Variants in TMEM255A observed in about 807,000 individuals in gnomAD.
The protein encoded by TMEM255A is transmembrane protein 255A.
In TMEM255A, 14 loss-of-function variants were observed where a neutral mutation model predicts 23.5. The ratio of observed to expected loss-of-function variants is 0.60; its 90% confidence interval spans 0.39 to 0.93. The LOEUF (loss-of-function observed/expected upper bound fraction) is 0.93, where lower values mean the gene tolerates loss of function less well. Among genes scored for constraint, TMEM255A ranks in the 40% least tolerant of loss-of-function variants. TMEM255A has a pLI of 0.00. For missense variants in TMEM255A, 233 were observed against 261.7 expected (o/e 0.89, Z 0.76); for synonymous variants, 104 against 100.3 (o/e 1.04, Z -0.22).
At chrX:120,286,294 G>A (rs1269540343) in intron 5 of TMEM255A, among the ~76,000 whole-genome samples, 2 of 111,838 alleles carry the variant, frequency 1.8e-5, no homozygotes, top group Non-Finnish European at 3.8e-5. Context: ...ACATCCAATT[G>A]CCTTCCTTTT....
chrX:120,273,748 A>AT (rs1419807854), intron 7 of TMEM255A, among the ~76,000 whole-genome samples: 92 of 111,817 alleles, frequency 8.2e-4, no homozygotes, highest in Non-Finnish European at 1.4e-3. Flanking sequence ...AATGTTTATA[A>AT]TTTTTTTTGA....
At chrX:120,270,352 G>C (rs1372948248) in intron 7 of TMEM255A, among the ~76,000 whole-genome samples, 1 of 109,399 alleles carries the variant, frequency 9.1e-6, no homozygotes, top group Non-Finnish European at 1.9e-5. Context: ...TACGTTGTGA[G>C]ACGCCCGCCC....
chrX:120,262,966 G>A (rs149399261), intron 8 of TMEM255A, among the ~76,000 whole-genome samples: 1,224 of 111,310 alleles, frequency 0.011, 12 homozygotes, highest in African/African-American at 0.038. Context: ...GTGGTACAAC[G>A]GCCCTTGGGT....
At chrX:120,270,795 G>A (rs1343035420) in intron 7 of TMEM255A, among the ~76,000 whole-genome samples, 3 of 110,635 alleles carry the variant, frequency 2.7e-5, no homozygotes, top group Admixed American at 1.9e-4. Flanking sequence ...TCATCAGCCA[G>A]CACCCCCGGG....
downstream of TMEM255A, chrX:120,253,941 G>C: frequency 8.3e-7 from 1 of 1,205,599 alleles, no homozygotes; most frequent in South Asian, 1.8e-5. Context: ...ATTATCTGCC[G>C]AAGATTATGA....
intron 2 of TMEM255A, among the ~76,000 whole-genome samples, chrX:120,294,386 A>C (rs2147206426): frequency 9.6e-6 from 1 of 104,546 alleles, no homozygotes; most frequent in South Asian, 4.7e-4. Flanking sequence ...GTGAGCCGAG[A>C]TCCTGCCACT....
At chrX:120,269,092 C>T (rs2057737053) in intron 7 of TMEM255A, among the ~76,000 whole-genome samples, 1 of 105,361 alleles carries the variant, frequency 9.5e-6, no homozygotes, top group African/African-American at 3.4e-5. Flanking sequence ...TGCACAGAAG[C>T]CATGAAAGAC....
chrX:120,282,476 A>G (rs868977622), intron 6 of TMEM255A, among the ~76,000 whole-genome samples: 22 of 111,711 alleles, frequency 2.0e-4, no homozygotes, highest in Middle Eastern at 9.3e-3. Flanking sequence ...GCCTAGTCCA[A>G]TATTTTATTT....
At chrX:120,304,322 C>T (rs782143346) in intron 2 of TMEM255A, 27 bp downstream of exon 2, 23 of 1,187,253 alleles carry the variant, frequency 1.9e-5, no homozygotes, top group Non-Finnish European at 2.3e-5. Flanking sequence ...CAAGCTACTG[C>T]GACCTACCTG....
At chrX:120,261,842 G>A (rs1224715151) in intron 8 of TMEM255A, among the ~76,000 whole-genome samples, 1 of 111,826 alleles carries the variant, frequency 8.9e-6, no homozygotes, top group East Asian at 2.8e-4. Flanking sequence ...TGACTCTAGT[G>A]ATTTCCCTGC....
chrX:120,277,878 C>T (rs1445085570), intron 6 of TMEM255A, among the ~76,000 whole-genome samples: 1 of 112,289 alleles, frequency 8.9e-6, no homozygotes, highest in Non-Finnish European at 1.9e-5. Context: ...CCCTGTCGCT[C>T]TCTATCACAT....
At chrX:120,268,572 T>C (rs1177490263) in intron 7 of TMEM255A, among the ~76,000 whole-genome samples, 185 bp from the exon 8 acceptor site, 13 of 111,914 alleles carry the variant, frequency 1.2e-4, no homozygotes, top group African/African-American at 3.9e-4. Flanking sequence ...TACATTAATA[T>C]AACATGATCC....
chrX:120,280,193 C>T (rs374131983), intron 6 of TMEM255A, among the ~76,000 whole-genome samples: 1 of 107,410 alleles, frequency 9.3e-6, no homozygotes, highest in East Asian at 2.9e-4. Flanking sequence ...GCGGTTCTGA[C>T]ATGTTGCCCA....
intron 5 of TMEM255A, 68 bp from the exon 6 acceptor site, chrX:120,285,283 A>G: frequency 1.1e-6 from 1 of 924,905 alleles, no homozygotes. Flanking sequence ...TGGGATTGGA[A>G]ATGCGAGTTA....
chrX:120,306,809 C>T (rs1412429792), intron 1 of TMEM255A, among the ~76,000 whole-genome samples: 5 of 111,975 alleles, frequency 4.5e-5, no homozygotes, highest in Non-Finnish European at 7.5e-5. Flanking sequence ...CTTTTAAAAG[C>T]GCAGGAAGAG....
At chrX:120,299,572 C>T (rs2058020177) in intron 2 of TMEM255A, among the ~76,000 whole-genome samples, 1 of 111,693 alleles carries the variant, frequency 9.0e-6, no homozygotes, top group South Asian at 3.8e-4. Context: ...GCCTCGGCCT[C>T]CCAAAGTGAT....
At chrX:120,279,998 C>CTTTTTTTTTTTTTT (rs59428362) in intron 6 of TMEM255A, among the ~76,000 whole-genome samples, 19 of 38,222 alleles carry the variant, frequency 5.0e-4, no homozygotes, top group Non-Finnish European at 5.6e-4. Flanking sequence ...CCTTTTCTTT[C>CTTTTTTTTTTTTTT]TTTTTTTTTT....
chrX:120,289,111 C>A (rs2057896418), intron 4 of TMEM255A, among the ~76,000 whole-genome samples: 1 of 111,737 alleles, frequency 8.9e-6, no homozygotes, highest in Admixed American at 9.5e-5. Context: ...GTGCTAGGGT[C>A]CAAATGTGCC....
intron 4 of TMEM255A, among the ~76,000 whole-genome samples, chrX:120,290,106 G>A (rs954425517): frequency 1.8e-5 from 2 of 111,438 alleles, no homozygotes; most frequent in South Asian, 3.8e-4. Flanking sequence ...GGTGATGGTT[G>A]CACATAAATA....
Sources: allele counts gnomAD v4.1 joint callset (sites outside exome capture counted in the v4.1 genomes callset), GRCh38; gene constraint gnomAD v4.1.1; transcripts MANE v1.5; gene names NCBI Gene and HGNC (gene_info 2026-07-23, HGNC 2026-07-21).